Variants in RALGAPB observed in about 807,000 individuals in gnomAD.
The protein encoded by RALGAPB is Ral GTPase activating protein non-catalytic subunit beta, also known as ral GTPase-activating protein subunit beta.
RALGAPB carries 25 observed loss-of-function variants against 161.1 expected under a neutral mutation model. The ratio of observed to expected loss-of-function variants is 0.16; its 90% CI spans 0.11 to 0.22. The LOEUF is 0.22. Ranked by LOEUF, RALGAPB falls within the 10% of genes least tolerant of loss-of-function variation. The probability of loss-of-function intolerance (pLI) is 1.00; values close to 1 mark genes in which losing one functional copy is unlikely to be tolerated. For synonymous variants in RALGAPB, 629 were observed against 626.1 expected (o/e 1.00, Z -0.07); for missense variants, 1,391 against 1,815.2 (o/e 0.77, Z 4.25).
rs151266019 is a variant in RALGAPB, at chr20:38,495,397, T to C, written c.390-1956T>C. Among the ~76,000 whole-genome samples the C allele has an allele frequency of 4.6e-5, 7 of 152,342 alleles. No homozygotes were observed. In the East Asian group the frequency reaches 1.3e-3, roughly 29 times the overall value. On this transcript the variant is annotated intron_variant, in intron 3 of 29. Coordinates refer to ENST00000262879, the MANE Select transcript of RALGAPB (RefSeq NM_020336.4). ...CTATACTGTACTTTAGAAAAACATA[T>C]TATTGTTCTGAAGCAGGGTTAGCAA... is the stretch of plus-strand genomic sequence containing the variant.
At chr20:38,482,748 A>G (rs1347267820) in intron 1 of RALGAPB, among the ~76,000 whole-genome samples, 1 of 152,134 alleles carries the variant, frequency 6.6e-6, no homozygotes, top group Non-Finnish European at 1.5e-5. Flanking sequence ...ATCTGGTTGT[A>G]ATTATGATAT....
At chr20:38,522,193 A>G (rs6064651) in intron 10 of RALGAPB, among the ~76,000 whole-genome samples, 18,332 of 152,246 alleles carry the variant, frequency 0.12, 3,042 homozygotes, top group African/African-American at 0.37. Flanking sequence ...TAGGGGATTC[A>G]GGAAAGAGTT....
chr20:38,474,026 C>T (rs2084729707), intron 1 of RALGAPB, among the ~76,000 whole-genome samples: 1 of 152,218 alleles, frequency 6.6e-6, no homozygotes, highest in Non-Finnish European at 1.5e-5. Context: ...CTGACCACTA[C>T]ACCTTGTGAA....
intron 9 of RALGAPB, among the ~76,000 whole-genome samples, chr20:38,519,385 T>TATTTTTC (rs1265976005): frequency 1.3e-5 from 2 of 152,210 alleles, no homozygotes; most frequent in African/African-American, 2.4e-5. Context: ...GAATCAGTCC[T>TATTTTTC]ATTTTTCTTT....
At chr20:38,556,965 A>C (rs76859453) in intron 22 of RALGAPB, among the ~76,000 whole-genome samples, 5 of 152,158 alleles carry the variant, frequency 3.3e-5, no homozygotes, top group Admixed American at 3.3e-4. Flanking sequence ...CAGAAATATT[A>C]ATGTCTTTTA....
At chr20:38,542,465 G>A (rs2087002377) in intron 18 of RALGAPB, among the ~76,000 whole-genome samples, 1 of 152,048 alleles carries the variant, frequency 6.6e-6, no homozygotes, top group African/African-American at 2.4e-5. Flanking sequence ...GTGACTTGAT[G>A]GAGGTTTGGC....
chr20:38,476,765 G>A (rs141130775), intron 1 of RALGAPB, among the ~76,000 whole-genome samples: 14 of 152,252 alleles, frequency 9.2e-5, no homozygotes, highest in South Asian at 2.1e-4. Flanking sequence ...TTACATTAGC[G>A]TACAGTTGAG....
intron 2 of RALGAPB, among the ~76,000 whole-genome samples, 161 bp from the exon 3 acceptor site, chr20:38,492,769 T>TA (rs1292038804): frequency 1.3e-5 from 2 of 152,244 alleles, no homozygotes; most frequent in Non-Finnish European, 2.9e-5. Flanking sequence ...GTATGTTTGA[T>TA]ATGTGAAAAA....
In RALGAPB at chr20:38,472,924, A is replaced by T. The variant is rs1420118006; in HGVS notation, c.-176A>T. 1 of 398,772 alleles carries T rather than the reference A, an allele frequency of 2.5e-6. No homozygotes were observed. Among genetic ancestry groups the T allele is most frequent in the Non-Finnish European group, 4.4e-6 (1 of 225,978 alleles). 24.7% of individuals were successfully genotyped at this position (398,772 alleles called of 1,614,324 possible). A position where few individuals can be genotyped will look rare whatever the true frequency, so the allele number is the denominator to read the frequency against. On this transcript the variant is annotated 5_prime_UTR_variant, in exon 1 of 30. Coordinates refer to ENST00000262879, the MANE Select transcript of RALGAPB (RefSeq NM_020336.4). Reference sequence around the variant, plus strand: ...CCTTGGCGCCCTGGGAGAGTCGCTGACGGGTGGACTGACGGACCGCCTGAG... The same window carrying T: ...CCTTGGCGCCCTGGGAGAGTCGCTGTCGGGTGGACTGACGGACCGCCTGAG...
chr20:38,551,028 A>G (rs753249399), intron 20 of RALGAPB, 43 bp from the exon 21 acceptor site: 2 of 1,597,592 alleles, frequency 1.3e-6, no homozygotes, highest in African/African-American at 1.3e-5. Context: ...ACAGATGGGT[A>G]TTGGACCCTG....
chr20:38,551,676 G>A (rs1400681844), intron 21 of RALGAPB, among the ~76,000 whole-genome samples: 1 of 152,220 alleles, frequency 6.6e-6, no homozygotes, highest in African/African-American at 2.4e-5. Flanking sequence ...TTGAGCTTGA[G>A]TGACAAAGAG....
chr20:38,489,710 TTAGATA>T (rs1243889360), intron 2 of RALGAPB, among the ~76,000 whole-genome samples: 2 of 152,152 alleles, frequency 1.3e-5, no homozygotes, highest in Non-Finnish European at 2.9e-5. Context: ...GAGATTAGAC[TTAGATA>T]TAAGACTAAA....
chr20:38,509,567 G>C (rs998505937), intron 6 of RALGAPB, among the ~76,000 whole-genome samples: 1 of 152,192 alleles, frequency 6.6e-6, no homozygotes, highest in South Asian at 2.1e-4. Flanking sequence ...GCCCAGCACT[G>C]ACTGGTCAGT....
chr20:38,531,860 G>A (rs1600966788), intron 14 of RALGAPB, among the ~76,000 whole-genome samples: 1 of 152,230 alleles, frequency 6.6e-6, no homozygotes, highest in Admixed American at 6.5e-5. Flanking sequence ...AGTAGATGGT[G>A]AATAATAATT....
chr20:38,485,715 G>C (rs1397512490), intron 1 of RALGAPB, among the ~76,000 whole-genome samples: 1 of 151,990 alleles, frequency 6.6e-6, no homozygotes, highest in African/African-American at 2.4e-5. Flanking sequence ...GTGTGAGCCA[G>C]AGTTGAGTTT....
At position 38,545,075 on chromosome 20, in the gene RALGAPB, A is replaced by T. The variant is rs568997099; in HGVS notation, c.2715-1168A>T. 3.9e-5 allele frequency among the ~76,000 whole-genome samples: 6 copies of T among 152,238 alleles called. No individual in the cohort carries two copies. In the South Asian group the frequency reaches 1.0e-3, roughly 26 times the overall value. On this transcript the variant is annotated intron_variant, in intron 18 of 29. Coordinates refer to ENST00000262879, the MANE Select transcript of RALGAPB (RefSeq NM_020336.4). ...TGGATCTCAACTCTTTCTATGGTATATTATCTCTGCAGCTCTGCTTTTGGG... is the reference window on the plus strand; with the variant it reads ...TGGATCTCAACTCTTTCTATGGTATTTTATCTCTGCAGCTCTGCTTTTGGG...
chr20:38,501,205 A>G (rs2085583639), intron 5 of RALGAPB, among the ~76,000 whole-genome samples: 1 of 152,262 alleles, frequency 6.6e-6, no homozygotes, highest in Non-Finnish European at 1.5e-5. Context: ...AGGAGAAGTC[A>G]GTGCCTGGCA....
chr20:38,508,899 T>TA (rs1168159384), intron 5 of RALGAPB, among the ~76,000 whole-genome samples, 178 bp from the exon 6 acceptor site: 1 of 152,146 alleles, frequency 6.6e-6, no homozygotes, highest in Non-Finnish European at 1.5e-5. Flanking sequence ...ATCCCAAACA[T>TA]AAAAAAACTA....
At chr20:38,570,971 C>G (rs1327981639) in intron 28 of RALGAPB, 124 bp downstream of exon 28, 2 of 644,344 alleles carry the variant, frequency 3.1e-6, no homozygotes, top group Non-Finnish European at 5.1e-6. Context: ...CAAAAAAGAT[C>G]AAAGAAAGAA....
Sources: gnomAD v4.1 joint callset for allele counts (sites outside exome capture counted in the v4.1 genomes callset) on GRCh38, gnomAD v4.1.1 for gene constraint, MANE v1.5 for transcripts, NCBI Gene and HGNC (gene_info 2026-07-23, HGNC 2026-07-21) for gene names.